ARHGAP15: variants seen among roughly 807,000 people sequenced by gnomAD.
ARHGAP15 encodes Rho GTPase activating protein 15.
A neutral mutation model predicts 63.7 loss-of-function variants in ARHGAP15; 51 were observed. The observed-to-expected ratio is 0.80, with a 90% CI of 0.64 to 1.01. The LOEUF is 1.01. Among genes scored for constraint, ARHGAP15 ranks in the 50% least tolerant of loss-of-function variants. The pLI, the probability that ARHGAP15 is intolerant of heterozygous loss-of-function variation, is 0.00. For synonymous variants in ARHGAP15, 191 were observed against 193.8 expected (o/e 0.99, Z 0.12); for missense variants, 560 against 564.6 (o/e 0.99, Z 0.08).
At chr2:143,667,149 A>C (rs1333769324) in intron 12 of ARHGAP15, among the ~76,000 whole-genome samples, 2 of 150,792 alleles carry the variant, frequency 1.3e-5, no homozygotes, top group Non-Finnish European at 3.0e-5. Context: ...TATTCACAAT[A>C]GCAAAGACTT....
chr2:143,427,570 A>G (rs1441785109), intron 6 of ARHGAP15, among the ~76,000 whole-genome samples: 1 of 151,938 alleles, frequency 6.6e-6, no homozygotes, highest in Non-Finnish European at 1.5e-5. Flanking sequence ...TCTAGTATAG[A>G]TGATCCCTGT....
At position 143,190,576 on chromosome 2, in the gene ARHGAP15, C is replaced by A. The variant is rs569426314; in HGVS notation, c.166-11558C>A. Among the ~76,000 whole-genome samples the A allele has an allele frequency of 9.3e-4, 142 of 152,258 alleles. 1 individual carries two copies. Among genetic ancestry groups the A allele is most frequent in the African/African-American group, 3.3e-3 (139 of 41,534 alleles). ...TGCCAAGTGACCTTGAGTCTAGACT[C>A]TAGAAGCTTCCTTGTTTAATTTTGT... On this transcript the variant is annotated intron_variant, in intron 2 of 13. Transcript: ENST00000295095.
chr2:143,304,517 T>C (rs1683076685), intron 6 of ARHGAP15, among the ~76,000 whole-genome samples: 1 of 152,064 alleles, frequency 6.6e-6, no homozygotes, highest in Non-Finnish European at 1.5e-5. Flanking sequence ...GATGAGTTAA[T>C]GGGTGCAGCA....
chr2:143,218,040 G>A (rs1692826346), intron 4 of ARHGAP15, among the ~76,000 whole-genome samples: 6 of 152,110 alleles, frequency 3.9e-5, no homozygotes, highest in Admixed American at 3.9e-4. Flanking sequence ...GTGTCAAGAG[G>A]AAGCAGAGAA....
In ARHGAP15 at chr2:143,174,272, G is replaced by A. The variant is rs183390108; in HGVS notation, c.165+18617G>A. Among the ~76,000 whole-genome samples, 79 of 152,066 alleles carry A rather than the reference G, an allele frequency of 5.2e-4. 1 individual carries two copies. The highest frequency in any genetic ancestry group is 7.9e-4 in the Non-Finnish European group (54 of 67,988). ...ATCTTCAACCAGAAGTTCTTGTCCC[G>A]AAGCTTTTGTTTCACATTAAGACAC... is the stretch of plus-strand genomic sequence containing the variant. On this transcript the variant is annotated intron_variant, in intron 2 of 13. Coordinates refer to ENST00000295095, the MANE Select transcript of ARHGAP15 (RefSeq NM_018460.4).
At chr2:143,551,670 A>C (rs1695569311) in intron 10 of ARHGAP15, among the ~76,000 whole-genome samples, 1 of 152,140 alleles carries the variant, frequency 6.6e-6, no homozygotes, top group South Asian at 2.1e-4. Flanking sequence ...TTGTTTGAAA[A>C]TCAAAATTGT....
intron 11 of ARHGAP15, among the ~76,000 whole-genome samples, chr2:143,591,273 T>C (rs530946680): frequency 1.3e-5 from 2 of 152,294 alleles, no homozygotes; most frequent in East Asian, 3.9e-4. Flanking sequence ...TTGCTTTCTA[T>C]TTTTCAGTAA....
chr2:143,233,439 T>C (rs1028105927), intron 5 of ARHGAP15, among the ~76,000 whole-genome samples: 3 of 152,100 alleles, frequency 2.0e-5, no homozygotes, highest in Non-Finnish European at 4.4e-5. Flanking sequence ...TCTTCTGTTA[T>C]CCATTCTTAA....
At chr2:143,576,690 G>A (rs2105134078) in intron 11 of ARHGAP15, among the ~76,000 whole-genome samples, 1 of 152,012 alleles carries the variant, frequency 6.6e-6, no homozygotes, top group South Asian at 2.1e-4. Context: ...GAAGAAGGGA[G>A]GATTATATGA....
intron 12 of ARHGAP15, among the ~76,000 whole-genome samples, chr2:143,694,798 T>C (rs1224268799): frequency 6.6e-6 from 1 of 152,186 alleles, no homozygotes; most frequent in Non-Finnish European, 1.5e-5. Context: ...TCTTCAGAGG[T>C]CTTTTGTTCA....
At chr2:143,448,285 A>C (rs558442028) in intron 8 of ARHGAP15, among the ~76,000 whole-genome samples, 1 of 152,176 alleles carries the variant, frequency 6.6e-6, no homozygotes, top group Non-Finnish European at 1.5e-5. Flanking sequence ...AATGCTAAAA[A>C]ATTAGGACTT....
intron 6 of ARHGAP15, among the ~76,000 whole-genome samples, chr2:143,278,867 TC>T (rs1681703231): frequency 7.6e-6 from 1 of 131,654 alleles, no homozygotes; most frequent in African/African-American, 3.1e-5. Context: ...TTTCTTTCTT[TC>T]TTTTTTTTTT....
intron 13 of ARHGAP15, among the ~76,000 whole-genome samples, chr2:143,752,337 T>G (rs1043991165): frequency 2.0e-5 from 3 of 152,194 alleles, no homozygotes; most frequent in Non-Finnish European, 2.9e-5. Context: ...GCTCTTCAAT[T>G]CATTGACCTT....
intron 6 of ARHGAP15, among the ~76,000 whole-genome samples, chr2:143,322,040 C>G: frequency 6.6e-6 from 1 of 152,072 alleles, no homozygotes; most frequent in East Asian, 1.9e-4. Flanking sequence ...TCTTTTCTTG[C>G]TAATTTTCAT....
At chr2:143,566,938 C>T (rs543901750) in intron 11 of ARHGAP15, among the ~76,000 whole-genome samples, 15 of 151,786 alleles carry the variant, frequency 9.9e-5, no homozygotes, top group South Asian at 2.1e-4. Flanking sequence ...CCCAGTGCCA[C>T]GATCTCGGTT....
intron 13 of ARHGAP15, among the ~76,000 whole-genome samples, chr2:143,754,427 C>A (rs575659702): frequency 6.6e-6 from 1 of 152,232 alleles, no homozygotes; most frequent in Non-Finnish European, 1.5e-5. Flanking sequence ...CAGTCATCAT[C>A]CCCAACTTCC....
chr2:143,714,719 T>A (rs1056776431), intron 13 of ARHGAP15, among the ~76,000 whole-genome samples: 1 of 152,212 alleles, frequency 6.6e-6, no homozygotes, highest in Non-Finnish European at 1.5e-5. Flanking sequence ...ATTTCACAGA[T>A]CTCTAGGGCA....
At chr2:143,520,502 C>T (rs1219340032) in intron 10 of ARHGAP15, among the ~76,000 whole-genome samples, 1 of 152,054 alleles carries the variant, frequency 6.6e-6, no homozygotes, top group Non-Finnish European at 1.5e-5. Context: ...CATATCAACA[C>T]ATCAGAGAGA....
At chr2:143,466,926 T>C (rs1002302734) in intron 8 of ARHGAP15, among the ~76,000 whole-genome samples, 5 of 152,086 alleles carry the variant, frequency 3.3e-5, no homozygotes, top group Non-Finnish European at 7.4e-5. Flanking sequence ...AACACAAAAA[T>C]GAGTAAAATT....
Sources: allele counts gnomAD v4.1 joint callset (sites outside exome capture counted in the v4.1 genomes callset), GRCh38; gene constraint gnomAD v4.1.1; transcripts MANE v1.5; gene names NCBI Gene and HGNC (gene_info 2026-07-23, HGNC 2026-07-21).